The following DLG2 variants were observed in gnomAD, a reference collection of about 807,000 sequenced individuals.
DLG2 encodes discs large MAGUK scaffold protein 2, also known as disks large homolog 2.
A neutral mutation model predicts 132.5 loss-of-function variants in DLG2; 45 were observed. That is an observed-to-expected ratio of 0.34 (90% confidence interval 0.27 to 0.44). DLG2 has a LOEUF of 0.44. Ranked by LOEUF, DLG2 falls within the 20% of genes least tolerant of loss-of-function variation. The pLI is 1.00. For missense variants in DLG2, 1,045 were observed against 1,196.9 expected (o/e 0.87, Z 1.87); for synonymous variants, 424 against 419.6 (o/e 1.01, Z -0.13).
chr11:84,644,576 G>C (rs914275427), intron 6 of DLG2, among the ~76,000 whole-genome samples: 65 of 151,926 alleles, frequency 4.3e-4, no homozygotes, highest in African/African-American at 1.6e-3. Context: ...CGTGGTGGCG[G>C]GCACCTGTAA....
At chr11:83,663,621 GT>G (rs1232007892) in intron 18 of DLG2, among the ~76,000 whole-genome samples, 4 of 152,166 alleles carry the variant, frequency 2.6e-5, no homozygotes, top group Admixed American at 2.6e-4. Context: ...AAGTTCACTG[GT>G]TTTGTTCCGC....
intron 6 of DLG2, among the ~76,000 whole-genome samples, chr11:84,765,349 A>G (rs2068257774): frequency 6.6e-6 from 1 of 152,076 alleles, no homozygotes; most frequent in South Asian, 2.1e-4. Context: ...TACTAATGAC[A>G]TAAGCAACGT....
At chr11:84,029,086 G>A (rs1383524746) in intron 11 of DLG2, among the ~76,000 whole-genome samples, 1 of 151,872 alleles carries the variant, frequency 6.6e-6, no homozygotes, top group Non-Finnish European at 1.5e-5. Flanking sequence ...ACTCTACACA[G>A]GATTACTGCA....
chr11:85,120,278 A>T (rs758512703), intron 5 of DLG2, among the ~76,000 whole-genome samples: 51 of 152,074 alleles, frequency 3.4e-4, no homozygotes, highest in Non-Finnish European at 6.6e-4. Context: ...ATCAAGTGCC[A>T]TGGCCAACAT....
At chr11:84,348,848 A>T (rs576928696) in intron 7 of DLG2, among the ~76,000 whole-genome samples, 1 of 152,224 alleles carries the variant, frequency 6.6e-6, no homozygotes, top group Non-Finnish European at 1.5e-5. Context: ...ATGTGTCTAC[A>T]AGCCAAGGAA....
chr11:84,253,209 A>G (rs1462447484), intron 7 of DLG2, among the ~76,000 whole-genome samples: 1 of 152,038 alleles, frequency 6.6e-6, no homozygotes, highest in Non-Finnish European at 1.5e-5. Flanking sequence ...GAAGAGAAAA[A>G]GGTATGAGGT....
At chr11:85,289,948 A>AC (rs1317102995) in intron 3 of DLG2, among the ~76,000 whole-genome samples, 1 of 152,138 alleles carries the variant, frequency 6.6e-6, no homozygotes, top group Non-Finnish European at 1.5e-5. Context: ...CCTGTTTTCA[A>AC]CATTTCAATT....
chr11:83,915,674 C>T (rs1255707515), intron 15 of DLG2, among the ~76,000 whole-genome samples: 2 of 152,082 alleles, frequency 1.3e-5, no homozygotes, highest in African/African-American at 4.8e-5. Context: ...ATTAATGTCA[C>T]TGTGGCTATA....
chr11:84,813,228 C>A (rs7943633), intron 6 of DLG2, among the ~76,000 whole-genome samples: 18,114 of 151,860 alleles, frequency 0.12, 1,219 homozygotes, highest in East Asian at 0.21. Flanking sequence ...GAGGAGTGGT[C>A]CTGGTGTTGA....
intron 17 of DLG2, among the ~76,000 whole-genome samples, chr11:83,802,147 G>T (rs1229599592): frequency 6.6e-6 from 1 of 150,970 alleles, no homozygotes; most frequent in Non-Finnish European, 1.5e-5. Flanking sequence ...GCACCATTAT[G>T]CCTCGCTAAT....
intron 18 of DLG2, among the ~76,000 whole-genome samples, chr11:83,761,390 A>T (rs185582911): frequency 2.2e-3 from 333 of 152,350 alleles, no homozygotes; most frequent in Non-Finnish European, 4.2e-3. Flanking sequence ...GAGTTCTATT[A>T]GTGGTTCCTT....
intron 15 of DLG2, among the ~76,000 whole-genome samples, chr11:83,879,153 C>A (rs1173253037): frequency 6.6e-6 from 1 of 152,154 alleles, no homozygotes; most frequent in Non-Finnish European, 1.5e-5. Flanking sequence ...CACAAAGGTC[C>A]TAGCTGGTGG....
At chr11:85,508,001 T>C (rs2093973662) in intron 3 of DLG2, among the ~76,000 whole-genome samples, 1 of 152,136 alleles carries the variant, frequency 6.6e-6, no homozygotes, top group Admixed American at 6.6e-5. Context: ...ATCAAATTGC[T>C]ACTGAAGCTT....
intron 6 of DLG2, among the ~76,000 whole-genome samples, chr11:84,696,350 A>G (rs184668606): frequency 1.3e-5 from 2 of 151,590 alleles, no homozygotes; most frequent in South Asian, 2.1e-4. Context: ...ACCCAAATCT[A>G]TAGATAAAAT....
intron 18 of DLG2, among the ~76,000 whole-genome samples, chr11:83,677,071 T>A (rs1426941375): frequency 6.6e-6 from 1 of 152,202 alleles, no homozygotes; most frequent in African/African-American, 2.4e-5. Context: ...CAGAGTTAGA[T>A]GTTCACAATA....
intron 9 of DLG2, among the ~76,000 whole-genome samples, chr11:84,144,039 A>G (rs1199903467): frequency 6.6e-6 from 1 of 152,126 alleles, no homozygotes; most frequent in African/African-American, 2.4e-5. Context: ...GGGAGAAAAT[A>G]TCTGTCAGAG....
intron 18 of DLG2, among the ~76,000 whole-genome samples, chr11:83,655,572 A>G (rs567143759): frequency 3.3e-5 from 5 of 152,358 alleles, no homozygotes; most frequent in Admixed American, 2.6e-4. Context: ...GTTTATGTGT[A>G]TATGTACATG....
chr11:85,028,066 G>A (rs2060686393), intron 6 of DLG2, among the ~76,000 whole-genome samples: 2 of 152,198 alleles, frequency 1.3e-5, no homozygotes, highest in South Asian at 2.1e-4. Flanking sequence ...AAGAGCCGAA[G>A]TGGGTAGCTC....
intron 6 of DLG2, among the ~76,000 whole-genome samples, chr11:85,071,839 C>T (rs1331170872): frequency 1.3e-5 from 2 of 151,812 alleles, no homozygotes; most frequent in African/African-American, 2.4e-5. Context: ...AGTATCCTTA[C>T]ATCTCTCTCT....
Sources: allele counts gnomAD v4.1 joint callset (sites outside exome capture counted in the v4.1 genomes callset), GRCh38; gene constraint gnomAD v4.1.1; transcripts MANE v1.5; gene names NCBI Gene and HGNC (gene_info 2026-07-23, HGNC 2026-07-21).